Variants in VPS53 observed in about 807,000 individuals in gnomAD.
VPS53 encodes the protein VPS53 subunit of GARP complex.
In VPS53, 70 loss-of-function variants were observed where a neutral mutation model predicts 107.0. That is an observed-to-expected ratio of 0.65 (90% CI 0.54 to 0.80). The LOEUF is 0.80. Among genes scored for constraint, VPS53 ranks in the 30% least tolerant of loss-of-function variants. The pLI is 0.00. For synonymous variants in VPS53, 409 were observed against 393.3 expected (o/e 1.04, Z -0.47); for missense variants, 917 against 1,049.4 (o/e 0.87, Z 1.74).
chr17:606,304 C>T (rs546855344), intron 11 of VPS53, among the ~76,000 whole-genome samples: 12 of 152,232 alleles, frequency 7.9e-5, no homozygotes, highest in African/African-American at 2.9e-4. Context: ...GCACAGGCTC[C>T]GTATCTGACA....
chr17:531,352 C>T (rs1272406367), intron 19 of VPS53, among the ~76,000 whole-genome samples: 2 of 152,180 alleles, frequency 1.3e-5, no homozygotes, highest in Admixed American at 1.3e-4. Context: ...AGATGGTTTT[C>T]TCATCCACAC....
At position 518,743 on chromosome 17, in the gene VPS53, G is replaced by A. The variant is rs1908490148; in HGVS notation, c.*385C>T. 1 of 143,086 alleles carries A rather than the reference G, an allele frequency of 7.0e-6. No homozygotes were observed. Among genetic ancestry groups the A allele is most frequent in the African/African-American group, 2.8e-5 (1 of 35,818 alleles). The allele number at this position is 143,086 out of a possible 1,614,324, so 8.9% of individuals were successfully genotyped here. A position where few individuals can be genotyped will look rare whatever the true frequency, so the allele number is the denominator to read the frequency against. ...GATCACGCCACTGCACTCCAGCCTG[G>A]GTGACAGAGCGAGACTCTGTCTCAA... On this transcript the variant is annotated 3_prime_UTR_variant, in exon 22 of 22. Coordinates refer to ENST00000437048, the MANE Select transcript of VPS53 (RefSeq NM_001128159.3).
At chr17:609,766 G>A (rs755117490) in intron 11 of VPS53, among the ~76,000 whole-genome samples, 13 of 152,144 alleles carry the variant, frequency 8.5e-5, no homozygotes, top group Non-Finnish European at 1.9e-4. Context: ...ACTGCTTTGG[G>A]TAAGAGACAG....
intron 4 of VPS53, chr17:674,665 T>C (rs1341497785): frequency 6.6e-6 from 1 of 152,258 alleles, no homozygotes; most frequent in African/African-American, 2.4e-5. Flanking sequence ...GAGGCCATGG[T>C]CACTGCCATT....
At chr17:567,270 G>T (rs2151859660) in intron 13 of VPS53, among the ~76,000 whole-genome samples, 1 of 152,266 alleles carries the variant, frequency 6.6e-6, no homozygotes, top group South Asian at 2.1e-4. Flanking sequence ...ATGTCTACAG[G>T]ATGTCTACTC....
At chr17:698,341 A>C (rs1016201076) in intron 3 of VPS53, among the ~76,000 whole-genome samples, 1 of 151,782 alleles carries the variant, frequency 6.6e-6, no homozygotes, top group African/African-American at 2.4e-5. Flanking sequence ...GCTGAGGCTC[A>C]AGAATTGCTC....
Position 692,134 on chromosome 17 carries a change from C to A in VPS53, c.285+5284G>T, listed in dbSNP as rs889091858. ...TCCTGTGAGTCTGAGAGCTTACTGA[C>A]GACCGGTCAACGTTGGCCACTCTTG... On this transcript the variant is annotated intron_variant, in intron 4 of 21. Transcript: ENST00000437048. Among the ~76,000 whole-genome samples, 5 of 152,268 alleles carry A rather than the reference C, an allele frequency of 3.3e-5. No homozygotes were observed. The South Asian group carries it at 8.3e-4, about 25-fold the overall frequency.
chr17:646,130 C>T (rs1234120894), intron 7 of VPS53, among the ~76,000 whole-genome samples: 4 of 118,768 alleles, frequency 3.4e-5, no homozygotes, highest in African/African-American at 8.8e-5. Context: ...TCTCGGTGAC[C>T]GCGTGGCCTC....
At chr17:578,732 A>C (rs992864374) in intron 13 of VPS53, among the ~76,000 whole-genome samples, 2 of 150,634 alleles carry the variant, frequency 1.3e-5, no homozygotes, top group Non-Finnish European at 1.5e-5. Context: ...TTACCAGAGA[A>C]CCTCCCTCAG....
At chr17:648,168 C>T (rs1424366099) in intron 7 of VPS53, among the ~76,000 whole-genome samples, 2 of 152,258 alleles carry the variant, frequency 1.3e-5, no homozygotes, top group Non-Finnish European at 2.9e-5. Flanking sequence ...CTGTGATACA[C>T]TTAGCCAAGT....
At chr17:523,398 T>G (rs1296301732) in intron 19 of VPS53, 1 of 152,328 alleles carries the variant, frequency 6.6e-6, no homozygotes, top group East Asian at 1.9e-4. Flanking sequence ...CACTGCCTGC[T>G]TCTTTGGGAA....
intron 7 of VPS53, among the ~76,000 whole-genome samples, chr17:638,631 C>A (rs2143279804): frequency 6.6e-6 from 1 of 152,170 alleles, no homozygotes; most frequent in Non-Finnish European, 1.5e-5. Context: ...AATCTCTCAG[C>A]ATTTGCTTGT....
intron 15 of VPS53, 104 bp downstream of exon 15, chr17:560,322 G>T: frequency 7.0e-7 from 1 of 1,429,066 alleles, no homozygotes; most frequent in South Asian, 1.5e-5. Flanking sequence ...TCTGACCCAA[G>T]GTTGTCTGTG....
Position 524,244 on chromosome 17 carries a change from T to A in VPS53, c.2086-2506A>T, listed in dbSNP as rs1908958031. ...AACCTGGGAGGTTTGCGCTACAGCCTGGGTGACAGAACAAGACACTGTCTC... is the reference window on the plus strand; with the variant it reads ...AACCTGGGAGGTTTGCGCTACAGCCAGGGTGACAGAACAAGACACTGTCTC... On this transcript the variant is annotated intron_variant, in intron 19 of 21. Coordinates refer to ENST00000437048, the MANE Select transcript of VPS53 (RefSeq NM_001128159.3). This position sits in a 1 kb window ranked among gnomAD's most constrained non-coding sequence, Gnocchi z 4.5. Among the ~76,000 whole-genome samples the A allele has an allele frequency of 6.6e-6, 1 of 151,872 alleles. No homozygotes were observed. The highest frequency in any genetic ancestry group is 1.5e-5 in the Non-Finnish European group (1 of 67,996).
At chr17:556,890 G>A (rs1353083711) in intron 15 of VPS53, among the ~76,000 whole-genome samples, 2 of 150,504 alleles carry the variant, frequency 1.3e-5, no homozygotes, top group Non-Finnish European at 3.0e-5. Context: ...CTGAAGGGGG[G>A]TGGCCAGGAG....
At chr17:574,231 T>C (rs7225087) in intron 13 of VPS53, among the ~76,000 whole-genome samples, 32,883 of 152,076 alleles carry the variant, frequency 0.22, 4,253 homozygotes, top group Non-Finnish European at 0.29. Context: ...GGAAACTTCC[T>C]AGTGAGGCCA....
intron 4 of VPS53, among the ~76,000 whole-genome samples, chr17:694,589 C>A (rs1160214677): frequency 6.6e-6 from 1 of 152,156 alleles, no homozygotes; most frequent in Non-Finnish European, 1.5e-5. Flanking sequence ...TGTTACTATT[C>A]CCAGTAGCAG....
At chr17:698,631 A>T (rs1185912432) in intron 3 of VPS53, among the ~76,000 whole-genome samples, 1 of 151,842 alleles carries the variant, frequency 6.6e-6, no homozygotes, top group Non-Finnish European at 1.5e-5. Context: ...TGAGCCCAGG[A>T]GTTCGAGGCT....
Position 604,926 on chromosome 17 carries a change from C to T in VPS53, c.1117-3030G>A, listed in dbSNP as rs984153801. 2.6e-5 allele frequency among the ~76,000 whole-genome samples: 4 copies of T among 152,148 alleles called. No homozygotes were observed. In the East Asian group the frequency reaches 5.8e-4, roughly 22 times the overall value. ...GCAGTGAGAAAGACAGGCCAGCCTC[C>T]GCCCTCATGGAGATTAGAGTCTGCT... is the stretch of plus-strand genomic sequence containing the variant. On this transcript the variant is annotated intron_variant, in intron 11 of 21. Transcript: ENST00000437048.
Sources: gnomAD v4.1 joint callset for allele counts (sites outside exome capture counted in the v4.1 genomes callset) on GRCh38, gnomAD v4.1.1 for gene constraint, Gnocchi (gnomAD v3.1) non-coding constraint, MANE v1.5 for transcripts, NCBI Gene and HGNC (gene_info 2026-07-23, HGNC 2026-07-21) for gene names.